Variants in PARD3B observed in about 807,000 individuals in gnomAD.
PARD3B encodes the protein partitioning defective 3 homolog B.
A neutral mutation model predicts 130.2 loss-of-function variants in PARD3B; 103 were observed. That is an observed-to-expected ratio of 0.79 (90% confidence interval 0.67 to 0.93). The LOEUF is 0.93. Among genes scored for constraint, PARD3B ranks in the 40% least tolerant of loss-of-function variants. The pLI is 0.00. For synonymous variants in PARD3B, 583 were observed against 553.2 expected (o/e 1.05, Z -0.76); for missense variants, 1,609 against 1,499.2 (o/e 1.07, Z -1.21).
rs559398965 is a variant in PARD3B, at chr2:204,872,283, T to TAA, written c.223-92868_223-92867dup. On this transcript the variant is annotated intron_variant, in intron 2 of 22. Coordinates refer to ENST00000406610, the MANE Select transcript of PARD3B (RefSeq NM_001302769.2). ...ATACATGGATAGATAGTTATATATA[T>TAA]AACATACATGTAATATATATGTATG... is the stretch of plus-strand genomic sequence containing the variant. Among the ~76,000 whole-genome samples, 10 of 152,142 alleles carry TAA rather than the reference T, an allele frequency of 6.6e-5. No individual in the cohort carries two copies. In the South Asian group the frequency reaches 1.5e-3, roughly 22 times the overall value.
At chr2:205,277,473 C>T (rs2040995142) in intron 16 of PARD3B, among the ~76,000 whole-genome samples, 1 of 152,068 alleles carries the variant, frequency 6.6e-6, no homozygotes, top group African/African-American at 2.4e-5. Flanking sequence ...TATTATAATA[C>T]ATTGTGGTAA....
chr2:204,650,142 C>T (rs1023061787), intron 1 of PARD3B, among the ~76,000 whole-genome samples: 1 of 152,044 alleles, frequency 6.6e-6, no homozygotes, highest in African/African-American at 2.4e-5. Flanking sequence ...AGCAAACAAG[C>T]ATATTAAAGC....
In PARD3B at chr2:204,678,742, A is replaced by C. The variant is rs995635019; in HGVS notation, c.121-7439A>C. ...AGGTTTATAGGAGCACGAGATACGG[A>C]GGCTGGGTGGGCCAAAAAGTAGCAT... On this transcript the variant is annotated intron_variant, in intron 1 of 22. Coordinates refer to ENST00000406610, the MANE Select transcript of PARD3B (RefSeq NM_001302769.2). The surrounding 1 kb of genome is among the most constrained non-coding windows in gnomAD (Gnocchi z 4.2). Among the ~76,000 whole-genome samples, 1 of 151,988 alleles carries C rather than the reference A, an allele frequency of 6.6e-6. No homozygotes were observed. The highest frequency in any genetic ancestry group is 1.5e-5 in the Non-Finnish European group (1 of 67,990).
At chr2:205,109,933 C>T (rs940833982) in intron 5 of PARD3B, among the ~76,000 whole-genome samples, 11 of 152,002 alleles carry the variant, frequency 7.2e-5, no homozygotes, top group African/African-American at 1.9e-4. Flanking sequence ...GGATTACAGA[C>T]GTGAGCCAAC....
intron 16 of PARD3B, among the ~76,000 whole-genome samples, chr2:205,257,965 T>G (rs987569511): frequency 6.6e-6 from 1 of 152,208 alleles, no homozygotes; most frequent in Non-Finnish European, 1.5e-5. Context: ...TCATTTCTGG[T>G]TGAACACTGG....
At chr2:204,853,978 G>A (rs1227250654) in intron 2 of PARD3B, among the ~76,000 whole-genome samples, 1 of 152,166 alleles carries the variant, frequency 6.6e-6, no homozygotes, top group Non-Finnish European at 1.5e-5. Context: ...GGAATGTTAT[G>A]CTGAGACATA....
intron 22 of PARD3B, among the ~76,000 whole-genome samples, chr2:205,574,753 G>A (rs1170197744): frequency 1.3e-5 from 2 of 151,248 alleles, no homozygotes; most frequent in Non-Finnish European, 2.9e-5. Flanking sequence ...TAAGATGCAT[G>A]TGAGAATATC....
chr2:204,749,394 A>C (rs1197469806), intron 2 of PARD3B, among the ~76,000 whole-genome samples: 1 of 148,954 alleles, frequency 6.7e-6, no homozygotes, highest in Non-Finnish European at 1.5e-5. Context: ...GGAGTGCTTC[A>C]CTATTTCTTC....
intron 3 of PARD3B, among the ~76,000 whole-genome samples, chr2:205,000,126 A>G (rs1167258956): frequency 6.6e-6 from 1 of 151,986 alleles, no homozygotes; most frequent in East Asian, 1.9e-4. Flanking sequence ...CTTTTACTGG[A>G]ATATTATTAT....
At chr2:205,369,420 A>G (rs2044727662) in intron 18 of PARD3B, among the ~76,000 whole-genome samples, 2 of 152,138 alleles carry the variant, frequency 1.3e-5, no homozygotes, top group African/African-American at 4.8e-5. Flanking sequence ...AGCCAGCATG[A>G]TCTGTCTCAC....
chr2:205,260,358 T>G (rs1404829179), intron 16 of PARD3B, among the ~76,000 whole-genome samples: 1 of 152,122 alleles, frequency 6.6e-6, no homozygotes, highest in African/African-American at 2.4e-5. Context: ...ATTTCAGATT[T>G]TGGATTGTTG....
At chr2:204,659,228 T>C (rs1028940427) in intron 1 of PARD3B, among the ~76,000 whole-genome samples, 3 of 152,200 alleles carry the variant, frequency 2.0e-5, no homozygotes, top group African/African-American at 4.8e-5. Flanking sequence ...AATTTTGACA[T>C]AATTGAACAA....
intron 16 of PARD3B, among the ~76,000 whole-genome samples, chr2:205,283,273 GA>G (rs1326800663): frequency 6.6e-6 from 1 of 152,114 alleles, no homozygotes; most frequent in African/African-American, 2.4e-5. Flanking sequence ...AGCAATTCAA[GA>G]AGCCAAACTT....
At chr2:205,415,797 T>C (rs966786487) in intron 19 of PARD3B, among the ~76,000 whole-genome samples, 13 of 152,166 alleles carry the variant, frequency 8.5e-5, no homozygotes, top group Non-Finnish European at 1.9e-4. Context: ...ATTTAAGTTC[T>C]CAAAGATATA....
At position 204,698,443 on chromosome 2, in the gene PARD3B, T is replaced by G. The variant is rs1238644027; in HGVS notation, c.222+12161T>G. On this transcript the variant is annotated intron_variant, in intron 2 of 22. Coordinates refer to ENST00000406610, the MANE Select transcript of PARD3B (RefSeq NM_001302769.2). Reference sequence around the variant, plus strand: ...AAAATGCATATTCCAGTTGTTTGGTTTGCATGGCTTAGATTTACTAGGCAA... The same window carrying G: ...AAAATGCATATTCCAGTTGTTTGGTGTGCATGGCTTAGATTTACTAGGCAA... Among the ~76,000 whole-genome samples the G allele has an allele frequency of 2.0e-5, 3 of 152,146 alleles. No homozygotes were observed. The South Asian group carries it at 6.2e-4, about 32-fold the overall frequency.
At position 205,328,776 on chromosome 2, in the gene PARD3B, A is replaced by G. The variant is rs16837209; in HGVS notation, c.2630+27075A>G. ...TCACACAAACCATCTCTTTCCTTAT[A>G]ATTAAAAGTTGTATAATATTGTTCT... On this transcript the variant is annotated intron_variant, in intron 18 of 22. Transcript: ENST00000406610. 9.5e-3 allele frequency among the ~76,000 whole-genome samples: 1,452 copies of G among 152,258 alleles called. 9 individuals are homozygous for G. The highest frequency in any genetic ancestry group is 0.065 in the East Asian group (335 of 5,186).
At chr2:204,576,618 C>T (rs1350380808) in intron 1 of PARD3B, among the ~76,000 whole-genome samples, 1 of 152,004 alleles carries the variant, frequency 6.6e-6, no homozygotes, top group Non-Finnish European at 1.5e-5. Flanking sequence ...TGTGTGTGTG[C>T]ACGCATGTAA....
chr2:204,964,832 A>G (rs1266278641), intron 2 of PARD3B, among the ~76,000 whole-genome samples: 1 of 152,128 alleles, frequency 6.6e-6, no homozygotes, highest in Non-Finnish European at 1.5e-5. Context: ...AAGTCATTTT[A>G]GGCATTTTAG....
At chr2:205,496,980 G>A (rs1455356783) in intron 20 of PARD3B, among the ~76,000 whole-genome samples, 3 of 151,974 alleles carry the variant, frequency 2.0e-5, no homozygotes, top group Non-Finnish European at 4.4e-5. Context: ...ACAGAAGCCT[G>A]TGCGTTGGAT....
Sources: allele counts gnomAD v4.1 joint callset (sites outside exome capture counted in the v4.1 genomes callset), GRCh38; gene constraint gnomAD v4.1.1; non-coding constraint Gnocchi (gnomAD v3.1); transcripts MANE v1.5; gene names NCBI Gene and HGNC (gene_info 2026-07-23, HGNC 2026-07-21).